Variants in NFAT5 observed in about 807,000 individuals in gnomAD.
The protein encoded by NFAT5 is nuclear factor of activated T cells 5.
Under a neutral mutation model 166.5 loss-of-function variants are expected in NFAT5, and 31 were observed. That is an observed-to-expected ratio of 0.19 (90% CI 0.14 to 0.25). The LOEUF (loss-of-function observed/expected upper bound fraction) is 0.25, where lower values mean the gene tolerates loss of function less well. Ranked by LOEUF, NFAT5 falls within the 10% of genes least tolerant of loss-of-function variation. NFAT5 has a pLI of 1.00. For missense variants in NFAT5, 1,449 were observed against 1,821.8 expected, an observed-to-expected ratio of 0.80 and a Z score of 3.72; for synonymous variants, 612 against 639.7, an observed-to-expected ratio of 0.96 and a Z score of 0.65.
chr16:69,583,410 C>G (rs1366075279), intron 2 of NFAT5, among the ~76,000 whole-genome samples: 1 of 151,770 alleles, frequency 6.6e-6, no homozygotes, highest in Non-Finnish European at 1.5e-5. Context: ...GGGATGGATT[C>G]TTCTCTGTTG....
At chr16:69,685,614 A>C (rs1374233397) in intron 11 of NFAT5, 1 of 152,076 alleles carries the variant, frequency 6.6e-6, no homozygotes, top group Admixed American at 6.6e-5. Flanking sequence ...GCACTTTCAG[A>C]GGCCAAGGTA....
intron 7 of NFAT5, among the ~76,000 whole-genome samples, chr16:69,669,381 C>T (rs1455485856): frequency 2.0e-5 from 3 of 152,088 alleles, no homozygotes; most frequent in African/African-American, 7.2e-5. Context: ...CCCGTCTCTA[C>T]TAAAAATACA....
intron 3 of NFAT5, among the ~76,000 whole-genome samples, chr16:69,639,997 G>A (rs1236764430): frequency 6.6e-6 from 1 of 152,180 alleles, no homozygotes; most frequent in Non-Finnish European, 1.5e-5. Context: ...TGTTGGGTGG[G>A]AAAAGTACAA....
chr16:69,684,809 T>C (rs2037219907), intron 10 of NFAT5, 78 bp from the exon 11 acceptor site: 3 of 888,326 alleles, frequency 3.4e-6, no homozygotes, highest in Non-Finnish European at 5.1e-6. Context: ...TGACAAGATA[T>C]TCTAATTAAA....
At chr16:69,658,183 A>G (rs1422497143) in intron 6 of NFAT5, among the ~76,000 whole-genome samples, 3 of 151,794 alleles carry the variant, frequency 2.0e-5, no homozygotes, top group African/African-American at 7.2e-5. Context: ...CTTATTCAAT[A>G]TAAGAAAGTT....
At chr16:69,650,834 A>C (rs921713131) in intron 4 of NFAT5, among the ~76,000 whole-genome samples, 1 of 152,212 alleles carries the variant, frequency 6.6e-6, no homozygotes, top group Admixed American at 6.5e-5. Flanking sequence ...ATATTTCTAC[A>C]TAGTTTCAAT....
At chr16:69,643,844 A>G (rs945535092) in intron 3 of NFAT5, among the ~76,000 whole-genome samples, 4 of 152,172 alleles carry the variant, frequency 2.6e-5, no homozygotes, top group African/African-American at 9.7e-5. Context: ...GTGCTTTCGA[A>G]GTGCTCACAG....
chr16:69,691,070 A>G lies in NFAT5; in HGVS notation c.1905A>G (p.Arg635=). The change falls in exon 12 of 15, where the codon AGA becomes AGG. Residue 635 remains arginine (R), a synonymous_variant. Coordinates refer to ENST00000349945, the MANE Select transcript of NFAT5 (RefSeq NM_138713.4). ...CAATGGAAGTAACAGCAGAAAAAAG[A>G]TCTTCCACTATTTTTAAGGTAAGCT... ...VTPMEVTAEK[R]SSTIFKTTKS... 2 of 1,599,308 alleles carry G rather than the reference A, an allele frequency of 1.3e-6. No individual in the cohort carries two copies. Among genetic ancestry groups the G allele is most frequent in the Non-Finnish European group, 1.7e-6 (2 of 1,174,616 alleles).
intron 11 of NFAT5, chr16:69,685,364 T>C (rs1215169675): frequency 6.6e-6 from 1 of 151,326 alleles, no homozygotes; most frequent in East Asian, 1.9e-4. Context: ...CTGGCCAACA[T>C]GGTGAAACCC....
rs773254604 is a variant in NFAT5 at position 69,693,111 on chromosome 16, A to G, written c.3286A>G (p.Ile1096Val). ...QAQLFHPQNP[I>V]ADAQNLSQET... Reference sequence around the variant, plus strand: ...CCAACTTTTTCATCCTCAAAATCCTATTGCCGATGCTCAGAACCTTTCCCA... The same window carrying G: ...CCAACTTTTTCATCCTCAAAATCCTGTTGCCGATGCTCAGAACCTTTCCCA... Residue 1096 changes from isoleucine to valine, a missense_variant, in exon 13 of 15, where the codon ATT becomes GTT. By Grantham distance (29) the Ile-to-Val change is conservative. This residue lies in a region of NFAT5 where 891 missense variants were observed against 993.0 expected (regional missense o/e 0.90). Coordinates refer to ENST00000349945, the MANE Select transcript of NFAT5 (RefSeq NM_138713.4). 17 of 1,613,944 alleles carry G rather than the reference A, an allele frequency of 1.1e-5. 1 individual carries two copies.
At chr16:69,597,748 C>T (rs564330497) in intron 2 of NFAT5, among the ~76,000 whole-genome samples, 173 of 152,158 alleles carry the variant, frequency 1.1e-3, no homozygotes, top group Admixed American at 2.3e-3. Context: ...CCCACCACCG[C>T]GCCTGACTAA....
rs750127974 is a variant in NFAT5 at position 69,647,062 on chromosome 16, C to T, written c.288C>T (p.Gly96=). The T allele has an allele frequency of 1.1e-5, 17 of 1,598,190 alleles. No homozygotes were observed. Among genetic ancestry groups the T allele is most frequent in the African/African-American group, 1.3e-5 (1 of 74,730 alleles). The change falls in exon 4 of 15, where the codon GGC becomes GGT. Residue 96 remains glycine (G), a synonymous_variant. Coordinates refer to ENST00000349945, the MANE Select transcript of NFAT5 (RefSeq NM_138713.4). This position sits in a 1 kb window ranked among gnomAD's most constrained non-coding sequence, Gnocchi z 4.8. ...ASSAPSSSSM[G]GACSSFTTSS... is the part of the protein sequence containing the mutation. ...CAGCTCCCTCCTCTTCCTCCATGGGCGGTGCTTGCAGCTCCTTTACCACCT... is the reference window on the plus strand; with the variant it reads ...CAGCTCCCTCCTCTTCCTCCATGGGTGGTGCTTGCAGCTCCTTTACCACCT...
At chr16:69,606,856 C>A (rs1377913705) in intron 2 of NFAT5, among the ~76,000 whole-genome samples, 1 of 151,830 alleles carries the variant, frequency 6.6e-6, no homozygotes, top group African/African-American at 2.4e-5. Context: ...TGTCTCAGAA[C>A]AACAACAACA....
chr16:69,628,316 C>G (rs1303720693), intron 3 of NFAT5, among the ~76,000 whole-genome samples: 1 of 151,832 alleles, frequency 6.6e-6, no homozygotes, highest in African/African-American at 2.4e-5. Context: ...AATAAGAAAT[C>G]TAATTAAAAG....
chr16:69,675,290 T>C (rs2036787658), intron 9 of NFAT5, among the ~76,000 whole-genome samples: 1 of 152,230 alleles, frequency 6.6e-6, no homozygotes, highest in Non-Finnish European at 1.5e-5. Context: ...GTTTGAATTA[T>C]GGAGTTTGCC....
intron 10 of NFAT5, among the ~76,000 whole-genome samples, chr16:69,679,170 A>G (rs1476098832): frequency 1.3e-5 from 2 of 151,944 alleles, no homozygotes; most frequent in Non-Finnish European, 2.9e-5. Flanking sequence ...ACCTCAGGTG[A>G]TCTGCCCGCC....
At chr16:69,624,618 C>A (rs1014700784) in intron 2 of NFAT5, among the ~76,000 whole-genome samples, 1 of 152,166 alleles carries the variant, frequency 6.6e-6, no homozygotes, top group South Asian at 2.1e-4. Context: ...TCCTCCTTAT[C>A]CCTATCCACA....
At chr16:69,642,370 A>G (rs975599668) in intron 3 of NFAT5, among the ~76,000 whole-genome samples, 3 of 152,202 alleles carry the variant, frequency 2.0e-5, no homozygotes, top group South Asian at 2.1e-4. Context: ...GATACTTTAC[A>G]TATGACACTT....
At chr16:69,567,236 G>T (rs2016120564) in intron 1 of NFAT5, among the ~76,000 whole-genome samples, 1 of 152,168 alleles carries the variant, frequency 6.6e-6, no homozygotes, top group Non-Finnish European at 1.5e-5. Context: ...TTTCATTTAA[G>T]AACTCTTTTG....
Sources: allele counts gnomAD v4.1 joint callset (sites outside exome capture counted in the v4.1 genomes callset), GRCh38; gene constraint gnomAD v4.1.1; regional missense constraint gnomAD v4.1.1; non-coding constraint Gnocchi (gnomAD v3.1); transcripts MANE v1.5; gene names NCBI Gene and HGNC (gene_info 2026-07-23, HGNC 2026-07-21).